The following LEMD1 variants were observed in gnomAD, a reference collection of about 807,000 sequenced individuals.
LEMD1 encodes the protein LEM domain-containing protein 1.
Under a neutral mutation model 17.4 loss-of-function variants are expected in LEMD1, and 18 were observed. That is an observed-to-expected ratio of 1.04 (90% CI 0.72 to 1.54). The LOEUF is 1.54. Among genes scored for constraint, LEMD1 ranks in the 40% most tolerant of loss-of-function variants. The probability of loss-of-function intolerance (pLI) is 0.00; values close to 1 mark genes in which losing one functional copy is unlikely to be tolerated. For missense variants in LEMD1, 195 were observed against 210.4 expected (o/e 0.93, Z 0.45); for synonymous variants, 88 against 77.8 (o/e 1.13, Z -0.69).
At chr1:205,428,729 G>A (rs1666089864) in intron 1 of LEMD1, among the ~76,000 whole-genome samples, 1 of 152,178 alleles carries the variant, frequency 6.6e-6, no homozygotes, top group Non-Finnish European at 1.5e-5. Context: ...GTGGTAGACT[G>A]GAGAGCAAAG....
intron 1 of LEMD1, chr1:205,435,983 C>T (rs1666198028): frequency 6.6e-6 from 1 of 152,216 alleles, no homozygotes; most frequent in African/African-American, 2.4e-5. Flanking sequence ...ACCAGCCTGG[C>T]CTCTCTGGAA....
chr1:205,442,219 G>A (rs371593890), intron 1 of LEMD1, among the ~76,000 whole-genome samples: 1 of 152,188 alleles, frequency 6.6e-6, no homozygotes, highest in South Asian at 2.1e-4. Flanking sequence ...AAGCAGGTGA[G>A]TGAAGCCCAA....
intron 4 of LEMD1, among the ~76,000 whole-genome samples, chr1:205,402,685 C>T (rs1180371983): frequency 6.6e-6 from 1 of 151,452 alleles, no homozygotes; most frequent in Admixed American, 6.6e-5. Flanking sequence ...AATTGAATAC[C>T]CTTTATTTCC....
At chr1:205,431,726 CT>C (rs1350697667) in intron 1 of LEMD1, among the ~76,000 whole-genome samples, 1 of 151,022 alleles carries the variant, frequency 6.6e-6, no homozygotes, top group Non-Finnish European at 1.5e-5. Flanking sequence ...TTCTTTCTTT[CT>C]TTTTTTTTGA....
At chr1:205,389,037 CTTTTTTTTTTTTTTTT>C (rs61341380) in intron 4 of LEMD1, among the ~76,000 whole-genome samples, 2 of 77,826 alleles carry the variant, frequency 2.6e-5, no homozygotes, top group South Asian at 1.4e-3. Flanking sequence ...CATTTGCTTT[CTTTTTTTTTTTTTTTT>C]TTTTTTTTTT....
chr1:205,406,573 G>A (rs976502315), intron 4 of LEMD1, among the ~76,000 whole-genome samples: 1 of 152,212 alleles, frequency 6.6e-6, no homozygotes, highest in Non-Finnish European at 1.5e-5. Flanking sequence ...CGCAGTATTC[G>A]AGTGGGAGTG....
At chr1:205,419,827 A>T (rs1245343946) in intron 2 of LEMD1, among the ~76,000 whole-genome samples, 1 of 152,092 alleles carries the variant, frequency 6.6e-6, no homozygotes, top group Non-Finnish European at 1.5e-5. Flanking sequence ...TCCTTTCCAC[A>T]CACTTAGGTG....
chr1:205,428,022 G>A (rs542738533), intron 1 of LEMD1, among the ~76,000 whole-genome samples: 215 of 152,340 alleles, frequency 1.4e-3, no homozygotes, highest in Non-Finnish European at 2.5e-3. Flanking sequence ...CAACGGGTGA[G>A]GCTGGAAGAC....
intron 1 of LEMD1, chr1:205,437,560 C>G (rs1666229777): frequency 6.6e-6 from 1 of 152,296 alleles, no homozygotes; most frequent in South Asian, 2.1e-4. Context: ...CCTCTCACTT[C>G]TCAGAGCCAC....
intron 4 of LEMD1, chr1:205,386,097 ATGTGG>A (rs1029087063): frequency 5.2e-5 from 8 of 152,480 alleles, no homozygotes; most frequent in Admixed American, 5.2e-4. Context: ...CTTAGCAAGG[ATGTGG>A]TCAGGACACA....
chr1:205,384,551 T>C (rs1663895115), intron 4 of LEMD1, among the ~76,000 whole-genome samples, 187 bp from the exon 5 acceptor site: 1 of 152,204 alleles, frequency 6.6e-6, no homozygotes, highest in Admixed American at 6.5e-5. Flanking sequence ...CTAAGTTCCA[T>C]GGAGTAATAT....
chr1:205,416,087 T>C, intron 4 of LEMD1, 145 bp downstream of exon 4: 1 of 537,450 alleles, frequency 1.9e-6, no homozygotes, highest in South Asian at 3.1e-5. Context: ...GAAATCTGCA[T>C]TAAAATGATC....
chr1:205,416,419 T>A (rs1665698124), intron 3 of LEMD1, 123 bp from the exon 4 acceptor site: 1 of 663,846 alleles, frequency 1.5e-6, no homozygotes, highest in Non-Finnish European at 2.6e-6. Context: ...GGGATGAAAA[T>A]TCACGTGGCT....
chr1:205,381,957 G>C, intron 5 of LEMD1, 101 bp from the exon 6 acceptor site: 2 of 1,128,934 alleles, frequency 1.8e-6, no homozygotes, highest in Non-Finnish European at 2.7e-6. Flanking sequence ...TGCAGTCATG[G>C]TGGGGCTTTA....
intron 4 of LEMD1, among the ~76,000 whole-genome samples, chr1:205,394,467 C>A (rs958198397): frequency 5.9e-5 from 9 of 152,172 alleles, no homozygotes; most frequent in East Asian, 1.9e-4. Context: ...TCACCACAAC[C>A]TCCACCTCCC....
chr1:205,383,639 C>CTT (rs1170166649), intron 5 of LEMD1, among the ~76,000 whole-genome samples: 6 of 118,492 alleles, frequency 5.1e-5, no homozygotes, highest in South Asian at 2.7e-4. Context: ...TTTCTTTTTT[C>CTT]TTTTTTTTTT....
At chr1:205,406,373 C>T (rs1207604031) in intron 4 of LEMD1, among the ~76,000 whole-genome samples, 2 of 152,262 alleles carry the variant, frequency 1.3e-5, no homozygotes, top group Non-Finnish European at 2.9e-5. Flanking sequence ...TTCGAGCTTC[C>T]TGGCTGCTTT....
intron 1 of LEMD1, among the ~76,000 whole-genome samples, chr1:205,428,511 CG>C (rs1666086538): frequency 6.6e-6 from 1 of 152,114 alleles, no homozygotes; most frequent in Non-Finnish European, 1.5e-5. Context: ...CCTCCTGAAG[CG>C]TATTGTCCTA....
chr1:205,408,210 A>G (rs565375630), intron 4 of LEMD1, among the ~76,000 whole-genome samples: 1 of 152,018 alleles, frequency 6.6e-6, no homozygotes, highest in Non-Finnish European at 1.5e-5. Flanking sequence ...TATCTGGAGG[A>G]TCATATGGTG....
Sources: allele counts gnomAD v4.1 joint callset (sites outside exome capture counted in the v4.1 genomes callset), GRCh38; gene constraint gnomAD v4.1.1; transcripts MANE v1.5; gene names NCBI Gene and HGNC (gene_info 2026-07-23, HGNC 2026-07-21).